Variants in HGFAC observed in about 807,000 individuals in gnomAD.
The protein encoded by HGFAC is hepatocyte growth factor activator serine protease.
A neutral mutation model predicts 70.6 loss-of-function variants in HGFAC; 76 were observed. That is an observed-to-expected ratio of 1.08 (90% CI 0.89 to 1.30). HGFAC has a LOEUF of 1.30. HGFAC is among the 50% of genes most tolerant of loss of function. The pLI, the probability that HGFAC is intolerant of heterozygous loss-of-function variation, is 0.00. For synonymous variants in HGFAC, 464 were observed against 405.3 expected (o/e 1.14, Z -1.74); for missense variants, 1,044 against 933.7 (o/e 1.12, Z -1.54).
intron 10 of HGFAC, 49 bp from the exon 11 acceptor site, chr4:3,447,443 G>T: frequency 6.2e-7 from 1 of 1,605,072 alleles, no homozygotes; most frequent in Non-Finnish European, 8.5e-7. Flanking sequence ...GGTGAGCCCG[G>T]TGGCTGGGGG....
chr4:3,442,820 C>T lies in HGFAC; in HGVS notation c.206C>T (p.Ala69Val). 6.3e-7 allele frequency: 1 copy of T among 1,591,726 alleles called. No individual in the cohort carries two copies. Among genetic ancestry groups the T allele is most frequent in the Non-Finnish European group, 8.5e-7 (1 of 1,170,970 alleles). Residue 69 changes from alanine (A) to valine (V), a missense_variant, in exon 2 of 14, where the codon GCA becomes GTA. Ala to Val is a moderately conservative substitution (Grantham distance 64). Coordinates refer to ENST00000382774, the MANE Select transcript of HGFAC (RefSeq NM_001528.4). ...LVTSVTSETP[A>V]TSAPEAEGPQ... is the part of the protein sequence containing the mutation. ...ACCTCTGTGACCTCTGAGACCCCAG[C>T]AACAAGTGCTCCAGAGGCAGAGGGA...
chr4:3,446,409 C>T (rs3213512), intron 10 of HGFAC, 115 bp downstream of exon 10: 2 of 1,362,560 alleles, frequency 1.5e-6, no homozygotes, highest in Non-Finnish European at 2.0e-6. Flanking sequence ...CTGCTGACCC[C>T]TTCCCGGGGT....
chr4:3,444,205 C>T (rs1185328023), intron 5 of HGFAC, 44 bp downstream of exon 5: 1 of 1,572,644 alleles, frequency 6.4e-7, no homozygotes, highest in African/African-American at 1.4e-5. Flanking sequence ...GGGGCCGGAG[C>T]AAGTCCCCGG....
intron 6 of HGFAC, 30 bp from the exon 7 acceptor site, chr4:3,444,593 C>G (rs985838705): frequency 3.2e-6 from 5 of 1,561,498 alleles, no homozygotes; most frequent in Non-Finnish European, 4.3e-6. Context: ...CTGCGCGGCC[C>G]CTGGCCCAGC....
At chr4:3,445,933 G>C in intron 9 of HGFAC, 109 bp from the exon 10 acceptor site, 1 of 1,555,914 alleles carries the variant, frequency 6.4e-7, no homozygotes, top group Non-Finnish European at 8.7e-7. Flanking sequence ...CGTGGACAGG[G>C]GGTCCGGCCA....
rs771854412 is a variant in HGFAC at position 3,449,381 on chromosome 4, C to G, written c.1930C>G (p.Arg644Gly). 6.3e-7 allele frequency: 1 copy of G among 1,583,896 alleles called. No individual in the cohort carries two copies. Among genetic ancestry groups the G allele is most frequent in the Non-Finnish European group, 8.6e-7 (1 of 1,162,090 alleles). Reference sequence around the variant, plus strand: ...CAACTATGTGGACTGGATCAACGACCGGATACGGCCTCCCAGGCGGCTTGT... The same window carrying G: ...CAACTATGTGGACTGGATCAACGACGGGATACGGCCTCCCAGGCGGCTTGT... ...VANYVDWIND[R>G]IRPPRRLVAP... Residue 644 changes from arginine to glycine, a missense_variant, in exon 14 of 14, where the codon CGG becomes GGG. Physicochemically the swap from Arg to Gly is moderately radical, Grantham distance 125. Transcript: ENST00000382774.
At position 3,442,597 on chromosome 4, in the gene HGFAC, C is replaced by G. The variant is rs534192086; in HGVS notation, c.118-135C>G. On this transcript the variant is annotated intron_variant, in intron 1 of 13. Transcript: ENST00000382774. ...GGCCTGGCTGAGGCCTCAGGAATGT[C>G]GTGTGTCCTCCTGGAACCTGCTCCG... 12 of 569,418 alleles carry G rather than the reference C, an allele frequency of 2.1e-5. No individual in the cohort carries two copies. In the Admixed American group the frequency reaches 2.9e-4, roughly 14 times the overall value. 35.3% of individuals were successfully genotyped at this position (569,418 alleles called of 1,614,324 possible).
At chr4:3,442,652 C>T (rs892361172) in intron 1 of HGFAC, 80 bp from the exon 2 acceptor site, 2 of 1,081,582 alleles carry the variant, frequency 1.8e-6, no homozygotes, top group Admixed American at 5.7e-5. Flanking sequence ...TGGAAACAGG[C>T]TCAGGGCTGT....
In HGFAC at chr4:3,445,224, G is replaced by A. The variant is rs781146688; in HGVS notation, c.1017-41G>A. The A allele has an allele frequency of 4.7e-6, 7 of 1,491,888 alleles. 1 individual carries two copies. In the South Asian group the frequency reaches 6.0e-5, roughly 13 times the overall value. 92.4% of individuals were successfully genotyped at this position (1,491,888 alleles called of 1,614,324 possible). A position where few individuals can be genotyped will look rare whatever the true frequency, so the allele number is the denominator to read the frequency against. ...CCCCCTCCCCATGCCCTCTTCGAGG[G>A]GCAGTGTGACTCCCTGCCAGCCCCC... On this transcript the variant is annotated intron_variant, in intron 8 of 13. Transcript: ENST00000382774.
chr4:3,447,385 A>G, intron 10 of HGFAC, 107 bp from the exon 11 acceptor site: 1 of 1,286,058 alleles, frequency 7.8e-7, no homozygotes, highest in Non-Finnish European at 1.1e-6. Flanking sequence ...CCCCGGGACC[A>G]GGGTCCCACA....
At position 3,444,480 on chromosome 4, in the gene HGFAC, A is replaced by C. The variant is rs557863103; in HGVS notation, c.730+38A>C. 5.1e-6 allele frequency: 8 copies of C among 1,553,852 alleles called. No homozygotes were observed. In the African/African-American group the frequency reaches 1.1e-4, roughly 21 times the overall value. On this transcript the variant is annotated intron_variant, in intron 6 of 13. Transcript: ENST00000382774. ...GTGTGAGCCGTGCCACTGACCCCTG[A>C]CGGGTGTCCCTGTCCACACCCGAGT...
chr4:3,445,248 C>A lies in HGFAC; in HGVS notation c.1017-17C>A, dbSNP rs969835278. ...GGGCAGTGTGACTCCCTGCCAGCCCCCACTTATGCACCGCAGGAATCCGGA... is the reference window on the plus strand; with the variant it reads ...GGGCAGTGTGACTCCCTGCCAGCCCACACTTATGCACCGCAGGAATCCGGA... On this transcript the variant is annotated splice_polypyrimidine_tract_variant and intron_variant, in intron 8 of 13. Coordinates refer to ENST00000382774, the MANE Select transcript of HGFAC (RefSeq NM_001528.4). 1 of 1,554,922 alleles carries A rather than the reference C, an allele frequency of 6.4e-7. No homozygotes were observed. Among genetic ancestry groups the A allele is most frequent in the Non-Finnish European group, 8.7e-7 (1 of 1,147,956 alleles).
At chr4:3,448,410 G>A in intron 13 of HGFAC, 134 bp downstream of exon 13, 1 of 1,099,512 alleles carries the variant, frequency 9.1e-7, no homozygotes, top group East Asian at 2.6e-5. Flanking sequence ...GGGACCCCTG[G>A]GCAGGGAGCA....
At chr4:3,442,972 G>A in intron 2 of HGFAC, 60 bp downstream of exon 2, 1 of 1,549,076 alleles carries the variant, frequency 6.5e-7, no homozygotes, top group Non-Finnish European at 8.7e-7. Context: ...GGTGGGAGGA[G>A]CATGGCTGCG....
chr4:3,447,226 C>G (rs1024935681), intron 10 of HGFAC, among the ~76,000 whole-genome samples: 8 of 152,206 alleles, frequency 5.3e-5, no homozygotes, highest in Admixed American at 1.3e-4. Context: ...AGACTCCCCC[C>G]AGGGCTTGTG....
chr4:3,441,101 A>G (rs995931083), upstream of HGFAC, among the ~76,000 whole-genome samples: 5 of 152,084 alleles, frequency 3.3e-5, no homozygotes, highest in African/African-American at 9.6e-5. The surrounding 1 kb of genome is among the most constrained non-coding windows in gnomAD (Gnocchi z 6.0). Flanking sequence ...CTGCTCCAAT[A>G]TTGCAGAAGA....
Position 3,447,961 on chromosome 4 carries a change from G to C in HGFAC, c.1562G>C (p.Cys521Ser), listed in dbSNP as rs1205723330. 3 of 1,597,240 alleles carry C rather than the reference G, an allele frequency of 1.9e-6. No homozygotes were observed. The highest frequency in any genetic ancestry group is 2.6e-6 in the Non-Finnish European group (3 of 1,172,734). Reference protein sequence around the residue: ...ATRSQFVQPICLPEPGSTFPA... With the variant: ...ATRSQFVQPISLPEPGSTFPA... ...CGCTCGCAGTTCGTGCAGCCCATCT[G>C]CCTGCCCGAGCCCGGCAGCACCTTC... Residue 521 changes from cysteine to serine, a missense_variant, in exon 12 of 14, where the codon TGC becomes TCC. Transcript: ENST00000382774.
In HGFAC at chr4:3,442,814, C is replaced by T; in HGVS notation, c.200C>T (p.Thr67Ile). The change falls in exon 2 of 14, where the codon ACC becomes ATC. Residue 67 changes from threonine to isoleucine, a missense_variant. By Grantham distance (89) the Thr-to-Ile change is moderately conservative (BLOSUM62 -1). Transcript: ENST00000382774. ...CTGGTGACCTCTGTGACCTCTGAGA[C>T]CCCAGCAACAAGTGCTCCAGAGGCA... Reference protein sequence around the residue: ...TILVTSVTSETPATSAPEAEG... With the variant: ...TILVTSVTSEIPATSAPEAEG... 1 of 1,591,382 alleles carries T rather than the reference C, an allele frequency of 6.3e-7. No homozygotes were observed. The highest frequency in any genetic ancestry group is 2.2e-5 in the East Asian group (1 of 44,608).
At chr4:3,445,588 C>T (rs1044079207) in intron 9 of HGFAC, 17 of 604,958 alleles carry the variant, frequency 2.8e-5, no homozygotes, top group African/African-American at 1.9e-4. Flanking sequence ...GTGGCACCTG[C>T]CCAGCCTGGA....
Sources: gnomAD v4.1 joint callset for allele counts (sites outside exome capture counted in the v4.1 genomes callset) on GRCh38, gnomAD v4.1.1 for gene constraint, Gnocchi (gnomAD v3.1) non-coding constraint, MANE v1.5 for transcripts, NCBI Gene and HGNC (gene_info 2026-07-23, HGNC 2026-07-21) for gene names.